Variants in PCCA observed in about 807,000 individuals in gnomAD.
PCCA encodes propionyl-CoA carboxylase alpha chain, mitochondrial.
In PCCA, 74 loss-of-function variants were observed where a neutral mutation model predicts 101.3. The ratio of observed to expected loss-of-function variants is 0.73; its 90% confidence interval spans 0.61 to 0.89. The LOEUF (loss-of-function observed/expected upper bound fraction) is 0.89, where lower values mean the gene tolerates loss of function less well. PCCA is among the 40% of genes least tolerant of loss of function. The probability of loss-of-function intolerance (pLI) is 0.00; values close to 1 mark genes in which losing one functional copy is unlikely to be tolerated. For missense variants in PCCA, 891 were observed against 907.0 expected (o/e 0.98, Z 0.23); for synonymous variants, 294 against 313.6 (o/e 0.94, Z 0.66).
chr13:100,422,137 T>TTC (rs1429629018), intron 19 of PCCA, among the ~76,000 whole-genome samples: 13 of 141,712 alleles, frequency 9.2e-5, no homozygotes, highest in African/African-American at 3.4e-4. Flanking sequence ...CTTTCTTTCT[T>TTC]TTTTTTTTTT....
intron 12 of PCCA, among the ~76,000 whole-genome samples, chr13:100,297,916 C>G (rs749474342): frequency 6.6e-6 from 1 of 150,976 alleles, no homozygotes; most frequent in Non-Finnish European, 1.5e-5. Context: ...AGAAATTTGT[C>G]TTTGAGGATT....
intron 12 of PCCA, among the ~76,000 whole-genome samples, chr13:100,295,288 AG>A (rs1161024913): frequency 6.6e-6 from 1 of 152,218 alleles, no homozygotes; most frequent in African/African-American, 2.4e-5. Context: ...ACAAAGACAG[AG>A]GCCTATTATG....
intron 4 of PCCA, among the ~76,000 whole-genome samples, chr13:100,133,504 T>C (rs1343743902): frequency 6.6e-6 from 1 of 152,238 alleles, no homozygotes; most frequent in Non-Finnish European, 1.5e-5. Context: ...TTCAAGATTT[T>C]TGTAGTTTTG....
At chr13:100,453,832 AG>A (rs11308030) in intron 21 of PCCA, among the ~76,000 whole-genome samples, 91,873 of 151,870 alleles carry the variant, frequency 0.6, 28,743 homozygotes, top group East Asian at 0.83. Context: ...ACCGGAAAAA[AG>A]GGAAAAAAAG....
At chr13:100,484,671 A>C (rs1391765212) in intron 21 of PCCA, among the ~76,000 whole-genome samples, 1 of 152,242 alleles carries the variant, frequency 6.6e-6, no homozygotes, top group Non-Finnish European at 1.5e-5. Flanking sequence ...AGATATTAAC[A>C]CATATCAAAT....
At chr13:100,418,107 T>C (rs1447055406) in intron 19 of PCCA, among the ~76,000 whole-genome samples, 1 of 152,142 alleles carries the variant, frequency 6.6e-6, no homozygotes, top group African/African-American at 2.4e-5. Flanking sequence ...CACTCCTGTT[T>C]TTACATCCTT....
chr13:100,496,004 A>G (rs1396869353), intron 21 of PCCA, among the ~76,000 whole-genome samples: 1 of 152,036 alleles, frequency 6.6e-6, no homozygotes, highest in East Asian at 1.9e-4. Context: ...TCCACCATCT[A>G]TATATGTAAA....
chr13:100,213,160 C>T (rs1266965668), intron 7 of PCCA, among the ~76,000 whole-genome samples: 2 of 152,120 alleles, frequency 1.3e-5, no homozygotes, highest in Non-Finnish European at 2.9e-5. Context: ...TAGGTTGCTT[C>T]CAAATGTTGG....
chr13:100,505,495 G>A (rs547100069), intron 21 of PCCA, among the ~76,000 whole-genome samples: 53 of 152,294 alleles, frequency 3.5e-4, no homozygotes, highest in Non-Finnish European at 6.5e-4. Context: ...TCTCAAACAT[G>A]GAGAGCATAG....
intron 19 of PCCA, among the ~76,000 whole-genome samples, chr13:100,415,898 A>AT: frequency 6.6e-6 from 1 of 152,354 alleles, no homozygotes; most frequent in East Asian, 1.9e-4. Context: ...AAGCTATAAT[A>AT]TTTTAACTAT....
intron 19 of PCCA, among the ~76,000 whole-genome samples, chr13:100,422,512 A>G (rs2078897957): frequency 6.6e-6 from 1 of 152,052 alleles, no homozygotes; most frequent in African/African-American, 2.4e-5. Flanking sequence ...TATTTTGACA[A>G]GTTTTATCCT....
chr13:100,492,282 C>T (rs1439406086), intron 21 of PCCA, among the ~76,000 whole-genome samples: 2 of 152,036 alleles, frequency 1.3e-5, no homozygotes, highest in African/African-American at 4.8e-5. Flanking sequence ...CTACAGGTGC[C>T]CGCCACCATG....
intron 14 of PCCA, chr13:100,305,968 C>G (rs2066413947): frequency 3.9e-6 from 1 of 256,330 alleles, no homozygotes; most frequent in Admixed American, 5.6e-5. Flanking sequence ...TTATAGTGTT[C>G]CTTTTACAAC....
chr13:100,259,684 C>T (rs1028919538), intron 9 of PCCA, among the ~76,000 whole-genome samples: 1 of 152,088 alleles, frequency 6.6e-6, no homozygotes, highest in Non-Finnish European at 1.5e-5. Flanking sequence ...TGAAGGTTCA[C>T]TTAGATATTT....
intron 16 of PCCA, among the ~76,000 whole-genome samples, chr13:100,328,678 C>T (rs141493827): frequency 4.2e-4 from 59 of 139,498 alleles, no homozygotes; most frequent in African/African-American, 1.3e-3. Context: ...TAGGTGTTAG[C>T]GTTGAGGTTA....
intron 20 of PCCA, among the ~76,000 whole-genome samples, chr13:100,444,770 C>T (rs916544418): frequency 3.9e-5 from 6 of 152,136 alleles, no homozygotes; most frequent in Non-Finnish European, 7.3e-5. Flanking sequence ...AAGCAATCTG[C>T]CCGCCTCGGT....
chr13:100,243,845 A>G (rs547257939), intron 8 of PCCA, among the ~76,000 whole-genome samples: 1 of 152,292 alleles, frequency 6.6e-6, no homozygotes, highest in Admixed American at 6.5e-5. Flanking sequence ...GCCTTTGCCT[A>G]TTCTTCTCAT....
At chr13:100,215,999 T>C (rs1158510610) in intron 7 of PCCA, among the ~76,000 whole-genome samples, 2 of 152,146 alleles carry the variant, frequency 1.3e-5, no homozygotes, top group Non-Finnish European at 2.9e-5. Flanking sequence ...ATGTAAATGC[T>C]ATGTAAATAG....
chr13:100,218,344 G>GTTT (rs74359948), intron 7 of PCCA, among the ~76,000 whole-genome samples: 3 of 136,432 alleles, frequency 2.2e-5, no homozygotes, highest in Non-Finnish European at 4.8e-5. Context: ...GCTATGGGTT[G>GTTT]TTTTTTTTTT....
Sources: gnomAD v4.1 joint callset for allele counts (sites outside exome capture counted in the v4.1 genomes callset) on GRCh38, gnomAD v4.1.1 for gene constraint, MANE v1.5 for transcripts, NCBI Gene and HGNC (gene_info 2026-07-23, HGNC 2026-07-21) for gene names.